CD226: variants seen among roughly 807,000 people sequenced by gnomAD.
CD226 encodes CD226 antigen.
CD226 carries 24 observed loss-of-function variants against 34.9 expected under a neutral mutation model. The ratio of observed to expected loss-of-function variants is 0.69; its 90% CI spans 0.50 to 0.97. The LOEUF (loss-of-function observed/expected upper bound fraction) is 0.97, where lower values mean the gene tolerates loss of function less well. CD226 is among the 50% of genes least tolerant of loss of function. The pLI is 0.00. For synonymous variants in CD226, 148 were observed against 147.4 expected, an observed-to-expected ratio of 1.00 and a Z score of -0.03; for missense variants, 397 against 412.7, an observed-to-expected ratio of 0.96 and a Z score of 0.33.
chr18:69,898,167 C>T (rs759916932), intron 2 of CD226, among the ~76,000 whole-genome samples: 4 of 152,036 alleles, frequency 2.6e-5, no homozygotes, highest in Admixed American at 6.5e-5. Flanking sequence ...AAATCAGATG[C>T]TAGCACACCA....
rs1982815821 is a variant in CD226, at chr18:69,861,542, G to GCATATATATATGTATATA, written c.*2771_*2772insTATATACATATATATATG. 2.4e-5 allele frequency: 1 copy of GCATATATATATGTATATA among 41,526 alleles called. No homozygotes were observed. The highest frequency in any genetic ancestry group is 6.5e-5 in the Non-Finnish European group (1 of 15,316). The allele number at this position is 41,526 out of a possible 1,614,324, so 2.6% of individuals were successfully genotyped here. ...TTATCCATCGATATAAATTATATGTGTATATATATATGTATATATATATAT... is the reference window on the plus strand; with the variant it reads ...TTATCCATCGATATAAATTATATGTGCATATATATATGTATATATATATATATATGTATATATATATAT... On this transcript the variant is annotated 3_prime_UTR_variant, in exon 6 of 6. Transcript: ENST00000582621.
intron 4 of CD226, among the ~76,000 whole-genome samples, chr18:69,867,944 C>G (rs1239820665): frequency 2.0e-5 from 3 of 152,156 alleles, no homozygotes; most frequent in African/African-American, 7.2e-5. Flanking sequence ...GGAAGAGTAA[C>G]TTGTCCCAAA....
At chr18:69,958,318 G>T (rs145899025), upstream of CD226, among the ~76,000 whole-genome samples, 1 of 152,114 alleles carries the variant, frequency 6.6e-6, no homozygotes, top group Non-Finnish European at 1.5e-5. Flanking sequence ...AGAATAGGAC[G>T]AAGCCATGCA....
upstream of CD226, among the ~76,000 whole-genome samples, chr18:69,950,089 C>A (rs1036285022): frequency 6.6e-6 from 1 of 152,106 alleles, no homozygotes; most frequent in African/African-American, 2.4e-5. Flanking sequence ...CACACGCATG[C>A]ACTTATACAT....
intron 3 of CD226, among the ~76,000 whole-genome samples, chr18:69,886,970 C>G (rs1984593476): frequency 6.6e-6 from 1 of 152,108 alleles, no homozygotes; most frequent in Non-Finnish European, 1.5e-5. Context: ...GAAATAATAA[C>G]TAGGAATAAT....
In CD226 at chr18:69,946,728, C is replaced by T; in HGVS notation, c.382+6G>A. The T allele has an allele frequency of 1.9e-6, 3 of 1,589,314 alleles. No individual in the cohort carries two copies. The highest frequency in any genetic ancestry group is 2.6e-6 in the Non-Finnish European group (3 of 1,168,800). ...GGATTTAAAAAAAAAAAAAACTTGC[C>T]CTTACCTGACTGAACCACCTGTATC... On this transcript the variant is annotated splice_donor_region_variant and intron_variant, in intron 2 of 5. Coordinates refer to ENST00000582621, the MANE Select transcript of CD226 (RefSeq NM_001303618.2).
At position 69,857,493 on chromosome 18, in the gene CD226, T is replaced by G. The variant is rs960822993; in HGVS notation, c.*6821A>C. ...TAATGGTCTTAGTCACTGTAAGTAC[T>G]TTTGGATACCTGGCATAAAGGATGT... On this transcript the variant is annotated 3_prime_UTR_variant, in exon 6 of 6. Coordinates refer to ENST00000582621, the MANE Select transcript of CD226 (RefSeq NM_001303618.2). 14 of 152,218 alleles carry G rather than the reference T, an allele frequency of 9.2e-5. No homozygotes were observed. The highest frequency in any genetic ancestry group is 1.9e-4 in the Non-Finnish European group (13 of 68,038). The allele number at this position is 152,218 out of a possible 1,614,324, so 9.4% of individuals were successfully genotyped here. A position where few individuals can be genotyped will look rare whatever the true frequency, so the allele number is the denominator to read the frequency against.
chr18:69,901,625 A>C (rs966542109), intron 2 of CD226, among the ~76,000 whole-genome samples: 3 of 136,440 alleles, frequency 2.2e-5, no homozygotes, highest in African/African-American at 7.7e-5. Flanking sequence ...TCACACCTGT[A>C]ATCCAGCACT....
chr18:69,929,523 G>C (rs2055564164), intron 2 of CD226, among the ~76,000 whole-genome samples: 1 of 152,112 alleles, frequency 6.6e-6, no homozygotes, highest in African/African-American at 2.4e-5. Flanking sequence ...AAAGCCTTTA[G>C]AGCCCTGCCC....
intron 2 of CD226, among the ~76,000 whole-genome samples, chr18:69,945,311 C>G (rs994417595): frequency 2.0e-5 from 3 of 152,218 alleles, no homozygotes; most frequent in African/African-American, 7.2e-5. Flanking sequence ...AACCCCATTT[C>G]CTCTTCAGGA....
chr18:69,895,678 G>A, intron 3 of CD226, 23 bp downstream of exon 3: 2 of 1,574,682 alleles, frequency 1.3e-6, no homozygotes, highest in Non-Finnish European at 1.7e-6. Flanking sequence ...TTTGATACCA[G>A]AAGATGTCTG....
At chr18:69,899,708 C>T (rs546286365) in intron 2 of CD226, among the ~76,000 whole-genome samples, 1 of 151,820 alleles carries the variant, frequency 6.6e-6, no homozygotes. Context: ...TACAGAAAGG[C>T]AAACCAAAAT....
intron 2 of CD226, among the ~76,000 whole-genome samples, chr18:69,915,422 G>A (rs1224868326): frequency 6.6e-6 from 1 of 152,186 alleles, no homozygotes; most frequent in East Asian, 1.9e-4. Context: ...TGTAAACACT[G>A]GAAGCAAAGA....
rs973320168 is a variant in CD226, at chr18:69,855,209, C to T, written c.*9105G>A. 1.3e-5 allele frequency: 2 copies of T among 151,864 alleles called. No homozygotes were observed. The highest frequency in any genetic ancestry group is 2.9e-5 in the Non-Finnish European group (2 of 67,992). The allele number at this position is 151,864 out of a possible 1,614,324, so 9.4% of individuals were successfully genotyped here. ...TCATTGGAACCAGATAGAGACATGA[C>T]ACGTGTCAGAATTATCAGACATGGA... On this transcript the variant is annotated 3_prime_UTR_variant, in exon 6 of 6. Coordinates refer to ENST00000582621, the MANE Select transcript of CD226 (RefSeq NM_001303618.2).
At chr18:69,903,320 A>T (rs2055211028) in intron 2 of CD226, among the ~76,000 whole-genome samples, 1 of 152,180 alleles carries the variant, frequency 6.6e-6, no homozygotes, top group South Asian at 2.1e-4. Context: ...CCTAGAACGC[A>T]TCAGCATTCC....
chr18:69,914,569 A>G (rs2055363482), intron 2 of CD226, among the ~76,000 whole-genome samples: 1 of 152,238 alleles, frequency 6.6e-6, no homozygotes. Flanking sequence ...TAAATTGGAA[A>G]AAGAAGAAAA....
Position 69,862,367 on chromosome 18 carries a change from G to A in CD226, c.*1947C>T, listed in dbSNP as rs1477647258. 1 of 152,102 alleles carries A rather than the reference G, an allele frequency of 6.6e-6. No homozygotes were observed. Among genetic ancestry groups the A allele is most frequent in the East Asian group, 1.9e-4 (1 of 5,200 alleles). 9.4% of individuals were successfully genotyped at this position (152,102 alleles called of 1,614,324 possible). ...TTATTTACCTTTTAATTGATGCTAA[G>A]CTTGCTTCACCATGCAAACCAATAA... On this transcript the variant is annotated 3_prime_UTR_variant, in exon 6 of 6. Transcript: ENST00000582621.
At chr18:69,933,130 T>G (rs934573102) in intron 2 of CD226, among the ~76,000 whole-genome samples, 1 of 152,150 alleles carries the variant, frequency 6.6e-6, no homozygotes, top group African/African-American at 2.4e-5. Context: ...TTTTCGTGTC[T>G]CCTATCTGCC....
Position 69,856,992 on chromosome 18 carries a change from C to A in CD226, c.*7322G>T, listed in dbSNP as rs1444977312. 6.6e-6 allele frequency: 1 copy of A among 152,142 alleles called. No homozygotes were observed. The highest frequency in any genetic ancestry group is 6.5e-5 in the Admixed American group (1 of 15,278). The allele number at this position is 152,142 out of a possible 1,614,324, so 9.4% of individuals were successfully genotyped here. On this transcript the variant is annotated 3_prime_UTR_variant, in exon 6 of 6. Coordinates refer to ENST00000582621, the MANE Select transcript of CD226 (RefSeq NM_001303618.2). ...GACCACCCTGGCTAACACGGTGAAA[C>A]CCCGTCTCTACTAAAAATACAAAAA...
Sources: gnomAD v4.1 joint callset for allele counts (sites outside exome capture counted in the v4.1 genomes callset) on GRCh38, gnomAD v4.1.1 for gene constraint, MANE v1.5 for transcripts, NCBI Gene and HGNC (gene_info 2026-07-23, HGNC 2026-07-21) for gene names.